Variants in GABRG3 observed in about 807,000 individuals in gnomAD.
GABRG3 encodes gamma-aminobutyric acid receptor subunit gamma-3.
A neutral mutation model predicts 48.8 loss-of-function variants in GABRG3; 25 were observed. That is an observed-to-expected ratio of 0.51 (90% CI 0.37 to 0.72). The LOEUF (loss-of-function observed/expected upper bound fraction) is 0.72. Among genes scored for constraint, GABRG3 ranks in the 30% least tolerant of loss-of-function variants. The pLI is 0.00. For missense variants in GABRG3, 394 were observed against 577.9 expected, an observed-to-expected ratio of 0.68 and a Z score of 3.26; for synonymous variants, 227 against 217.6, an observed-to-expected ratio of 1.04 and a Z score of -0.38.
At chr15:27,507,911 T>C (rs1054801803) in intron 6 of GABRG3, among the ~76,000 whole-genome samples, 3 of 152,208 alleles carry the variant, frequency 2.0e-5, no homozygotes, top group Non-Finnish European at 4.4e-5. Flanking sequence ...TTATGTAACA[T>C]TCCTTTTTAT....
intron 3 of GABRG3, among the ~76,000 whole-genome samples, chr15:27,205,758 G>T (rs2140431470): frequency 6.6e-6 from 1 of 151,426 alleles, no homozygotes; most frequent in Admixed American, 6.6e-5. Context: ...ACTTGTTATT[G>T]GTCAATTCAG....
At chr15:27,311,612 C>T (rs975474639) in intron 3 of GABRG3, among the ~76,000 whole-genome samples, 2 of 151,884 alleles carry the variant, frequency 1.3e-5, no homozygotes, top group Admixed American at 6.6e-5. Context: ...CACACAAAAC[C>T]CAAATGTCAG....
intron 3 of GABRG3, among the ~76,000 whole-genome samples, chr15:27,084,958 A>G (rs887156288): frequency 6.6e-6 from 1 of 152,194 alleles, no homozygotes; most frequent in East Asian, 1.9e-4. Flanking sequence ...GGCCACTTCC[A>G]CAGGCCCTGG....
At chr15:27,293,684 A>G (rs1056548481) in intron 3 of GABRG3, among the ~76,000 whole-genome samples, 1 of 151,716 alleles carries the variant, frequency 6.6e-6, no homozygotes, top group Non-Finnish European at 1.5e-5. Flanking sequence ...TCTCAAAAAA[A>G]ACAAACAAAA....
intron 2 of GABRG3, among the ~76,000 whole-genome samples, chr15:27,014,199 T>G (rs778355735): frequency 5.9e-5 from 9 of 152,060 alleles, no homozygotes; most frequent in Non-Finnish European, 1.3e-4. Context: ...CATTTTTTTC[T>G]TAGTCTAGCT....
At chr15:27,022,253 C>A (rs570340536) in intron 2 of GABRG3, among the ~76,000 whole-genome samples, 2 of 152,192 alleles carry the variant, frequency 1.3e-5, no homozygotes, top group Non-Finnish European at 2.9e-5. Flanking sequence ...TGCCACTTCA[C>A]GCTGGAAAAG....
At chr15:27,299,548 A>G (rs1460285102) in intron 3 of GABRG3, among the ~76,000 whole-genome samples, 2 of 152,104 alleles carry the variant, frequency 1.3e-5, no homozygotes, top group African/African-American at 4.8e-5. Flanking sequence ...CTAGTTCTGG[A>G]TGGGGAGTTG....
At position 27,053,784 on chromosome 15, in the gene GABRG3, G is replaced by A. The variant is rs541733919; in HGVS notation, c.270+26963G>A. 1.6e-4 allele frequency among the ~76,000 whole-genome samples: 24 copies of A among 152,300 alleles called. 1 individual carries two copies. The highest frequency in any genetic ancestry group is 5.3e-4 in the African/African-American group (22 of 41,570). ...GTAAATATACACCGTGAAATACCGCGCAGCCATTAAGAAAGAATGAAGGCA... is the reference window on the plus strand; with the variant it reads ...GTAAATATACACCGTGAAATACCGCACAGCCATTAAGAAAGAATGAAGGCA... On this transcript the variant is annotated intron_variant, in intron 3 of 9. Transcript: ENST00000615808.
chr15:27,513,538 A>G (rs1890950325), intron 6 of GABRG3, among the ~76,000 whole-genome samples: 1 of 152,226 alleles, frequency 6.6e-6, no homozygotes, highest in African/African-American at 2.4e-5. Context: ...AATATGAAGA[A>G]CAGGTTTAGT....
chr15:27,093,123 T>C (rs1897218482), intron 3 of GABRG3, among the ~76,000 whole-genome samples: 2 of 152,042 alleles, frequency 1.3e-5, no homozygotes, highest in Admixed American at 1.3e-4. Flanking sequence ...GCCTGAGCAT[T>C]GTATCCTGGG....
At chr15:27,107,745 A>T (rs539696911) in intron 3 of GABRG3, among the ~76,000 whole-genome samples, 1 of 152,034 alleles carries the variant, frequency 6.6e-6, no homozygotes, top group East Asian at 1.9e-4. Context: ...GTTCAGGTTG[A>T]CTATTTCCCA....
Position 27,458,108 on chromosome 15 carries a change from T to A in GABRG3, c.575-22542T>A, listed in dbSNP as rs137939523. ...CCCCTCCCTGTATTGGTCAGCTGTG[T>A]GGCACATGCTGGACACTGGCGCACA... On this transcript the variant is annotated intron_variant, in intron 5 of 9. Transcript: ENST00000615808. Among the ~76,000 whole-genome samples the A allele has an allele frequency of 5.0e-3, 768 of 152,230 alleles. 7 individuals carry two copies. Among genetic ancestry groups the A allele is most frequent in the African/African-American group, 0.017 (717 of 41,532 alleles).
chr15:27,125,693 G>T (rs1383592916), intron 3 of GABRG3, among the ~76,000 whole-genome samples: 1 of 152,236 alleles, frequency 6.6e-6, no homozygotes, highest in East Asian at 1.9e-4. Flanking sequence ...ATTAGCATTA[G>T]GTGTTAGATA....
intron 3 of GABRG3, among the ~76,000 whole-genome samples, chr15:27,216,882 G>A (rs914402088): frequency 6.9e-6 from 1 of 145,766 alleles, no homozygotes; most frequent in Non-Finnish European, 1.5e-5. Flanking sequence ...ACCCACTAAC[G>A]TGTCATCTAG....
At chr15:27,245,817 G>A (rs757800014) in intron 3 of GABRG3, among the ~76,000 whole-genome samples, 55 of 152,178 alleles carry the variant, frequency 3.6e-4, no homozygotes, top group Non-Finnish European at 5.7e-4. Flanking sequence ...AGGTTGCAGT[G>A]CACTCCAGCC....
chr15:27,485,606 C>G (rs1015197137), intron 6 of GABRG3, among the ~76,000 whole-genome samples: 4 of 152,084 alleles, frequency 2.6e-5, no homozygotes, highest in South Asian at 2.1e-4. Flanking sequence ...TGATTAGTCC[C>G]AATCTTTGGC....
At chr15:27,038,881 G>T (rs1357786440) in intron 3 of GABRG3, among the ~76,000 whole-genome samples, 1 of 152,214 alleles carries the variant, frequency 6.6e-6, no homozygotes, top group Non-Finnish European at 1.5e-5. Flanking sequence ...AGAGGGAAAG[G>T]TGTGCCACTC....
At chr15:27,103,435 G>A (rs1897394879) in intron 3 of GABRG3, among the ~76,000 whole-genome samples, 1 of 151,982 alleles carries the variant, frequency 6.6e-6, no homozygotes, top group Non-Finnish European at 1.5e-5. Context: ...GTCCATCCAG[G>A]GTCCACAGCA....
At chr15:27,351,628 A>ATGTG (rs1894603452) in intron 5 of GABRG3, among the ~76,000 whole-genome samples, 1 of 106,640 alleles carries the variant, frequency 9.4e-6, no homozygotes, top group African/African-American at 3.8e-5. Flanking sequence ...TGTGTATGGT[A>ATGTG]TGTGTTTGTG....
Sources: allele counts gnomAD v4.1 joint callset (sites outside exome capture counted in the v4.1 genomes callset), GRCh38; gene constraint gnomAD v4.1.1; transcripts MANE v1.5; gene names NCBI Gene and HGNC (gene_info 2026-07-23, HGNC 2026-07-21).